Variants in RBFOX1 observed in about 807,000 individuals in gnomAD.
RBFOX1 encodes the protein RNA binding protein fox-1 homolog 1.
A neutral mutation model predicts 57.7 loss-of-function variants in RBFOX1; 8 were observed. The ratio of observed to expected loss-of-function variants is 0.14; its 90% CI spans 0.08 to 0.25. The LOEUF is 0.25. RBFOX1 is among the 10% of genes least tolerant of loss of function. The pLI, the probability that RBFOX1 is intolerant of heterozygous loss-of-function variation, is 1.00. For synonymous variants in RBFOX1, 326 were observed against 222.4 expected (o/e 1.47, Z -4.15); for missense variants, 611 against 548.5 (o/e 1.11, Z -1.14).
chr16:6,941,312 TTCC>T (rs2078456325), intron 3 of RBFOX1, among the ~76,000 whole-genome samples: 1 of 86,316 alleles, frequency 1.2e-5, no homozygotes, highest in Non-Finnish European at 2.3e-5. Flanking sequence ...CCTTCCTTCC[TTCC>T]TTCCTTCCTT....
intron 4 of RBFOX1, among the ~76,000 whole-genome samples, chr16:7,226,685 C>G (rs545022799): frequency 5.9e-5 from 9 of 152,102 alleles, no homozygotes; most frequent in African/African-American, 2.2e-4. Context: ...TTTCTAAAAC[C>G]GCAAAAAGTA....
At chr16:6,014,273 G>T (rs1055956388), upstream of RBFOX1, among the ~76,000 whole-genome samples, 1 of 152,078 alleles carries the variant, frequency 6.6e-6, no homozygotes, top group African/African-American at 2.4e-5. Context: ...TGCTGTCTTT[G>T]CTACCATTAG....
chr16:6,874,957 G>T (rs1170726476), intron 3 of RBFOX1, among the ~76,000 whole-genome samples: 1 of 152,118 alleles, frequency 6.6e-6, no homozygotes, highest in Non-Finnish European at 1.5e-5. Flanking sequence ...TAGAAACCAA[G>T]AAGCTTGGCT....
intron 1 of RBFOX1, among the ~76,000 whole-genome samples, chr16:5,353,084 T>C (rs1383101853): frequency 6.6e-6 from 1 of 152,048 alleles, no homozygotes; most frequent in Non-Finnish European, 1.5e-5. Context: ...TAAAGACTTC[T>C]TTGTTCAGGC....
intron 2 of RBFOX1, among the ~76,000 whole-genome samples, chr16:6,463,156 A>C (rs2094959403): frequency 6.6e-6 from 1 of 152,274 alleles, no homozygotes; most frequent in Non-Finnish European, 1.5e-5. Flanking sequence ...CTTTATCTTT[A>C]GGTGTTTAAA....
chr16:7,406,259 T>C (rs1405733216), intron 4 of RBFOX1, among the ~76,000 whole-genome samples: 2 of 152,188 alleles, frequency 1.3e-5, no homozygotes, highest in Non-Finnish European at 2.9e-5. Flanking sequence ...CCATATGCCA[T>C]GGGCCTACTA....
chr16:6,647,779 G>C (rs1453170373), intron 2 of RBFOX1, among the ~76,000 whole-genome samples: 2 of 152,228 alleles, frequency 1.3e-5, no homozygotes, highest in African/African-American at 2.4e-5. Context: ...TCTGTCACTA[G>C]GTTGGAATGC....
chr16:6,864,168 A>T (rs1054952510), intron 3 of RBFOX1, among the ~76,000 whole-genome samples: 1 of 152,032 alleles, frequency 6.6e-6, no homozygotes, highest in African/African-American at 2.4e-5. Flanking sequence ...AAATTATTTT[A>T]ATAATTCTTG....
chr16:7,020,606 C>T (rs1371822090), intron 3 of RBFOX1, among the ~76,000 whole-genome samples: 1 of 152,022 alleles, frequency 6.6e-6, no homozygotes, highest in Admixed American at 6.6e-5. Flanking sequence ...TCAAAGCAAC[C>T]AGAAGATCAG....
intron 2 of RBFOX1, among the ~76,000 whole-genome samples, chr16:5,514,251 T>C (rs1202777873): frequency 6.6e-6 from 1 of 152,136 alleles, no homozygotes; most frequent in Non-Finnish European, 1.5e-5. Flanking sequence ...CGTGGATGGG[T>C]TCAGCTAGAA....
At chr16:6,963,549 G>C (rs941527133) in intron 3 of RBFOX1, among the ~76,000 whole-genome samples, 1 of 151,684 alleles carries the variant, frequency 6.6e-6, no homozygotes, top group Non-Finnish European at 1.5e-5. Flanking sequence ...AATGTAAAAT[G>C]TACATTTTGG....
intron 1 of RBFOX1, among the ~76,000 whole-genome samples, chr16:6,049,705 CTT>C (rs1163614543): frequency 6.6e-6 from 1 of 151,930 alleles, no homozygotes; most frequent in African/African-American, 2.4e-5. Context: ...TAAAAATAGT[CTT>C]TATTTTTTTA....
At chr16:7,095,688 C>G (rs1315564787) in intron 4 of RBFOX1, among the ~76,000 whole-genome samples, 1 of 152,068 alleles carries the variant, frequency 6.6e-6, no homozygotes, top group Non-Finnish European at 1.5e-5. Context: ...TGGTTGATCA[C>G]TCGATAAGTA....
chr16:5,357,438 G>A (rs564517298), intron 1 of RBFOX1, among the ~76,000 whole-genome samples: 13 of 152,312 alleles, frequency 8.5e-5, no homozygotes, highest in Middle Eastern at 3.4e-3. Flanking sequence ...ACAGAACAAC[G>A]CAGTCTACAG....
intron 1 of RBFOX1, among the ~76,000 whole-genome samples, chr16:6,076,492 G>C (rs1215037568): frequency 6.6e-6 from 1 of 151,982 alleles, no homozygotes; most frequent in East Asian, 1.9e-4. Flanking sequence ...TTTTGAGTTA[G>C]GGTCTTGCTC....
chr16:6,329,775 TAC>T (rs1266399865), intron 2 of RBFOX1, among the ~76,000 whole-genome samples: 1 of 151,956 alleles, frequency 6.6e-6, no homozygotes, highest in African/African-American at 2.4e-5. Context: ...CTTCTAAAAA[TAC>T]AAAAAGAAAA....
chr16:5,771,521 G>T (rs1227052982), intron 3 of RBFOX1, among the ~76,000 whole-genome samples: 2 of 152,156 alleles, frequency 1.3e-5, no homozygotes, highest in African/African-American at 2.4e-5. Flanking sequence ...TGATTCTTAT[G>T]CCTCAGCCTC....
intron 3 of RBFOX1, among the ~76,000 whole-genome samples, chr16:6,855,853 C>CCCTGTTTCCCTCCCTGTTTCCCTT (rs142108703): frequency 5.4e-5 from 8 of 148,856 alleles, no homozygotes; most frequent in South Asian, 2.2e-4. Context: ...CTCTTTCCCT[C>CCCTGTTTCCCTCCCTGTTTCCCTT]CCTTCCTTTC....
intron 1 of RBFOX1, among the ~76,000 whole-genome samples, chr16:5,455,850 G>T (rs1392711095): frequency 2.0e-5 from 3 of 152,150 alleles, no homozygotes. Flanking sequence ...AAATAAAGGT[G>T]ATTGGTGTTG....
Sources: allele counts gnomAD v4.1 joint callset (sites outside exome capture counted in the v4.1 genomes callset), GRCh38; gene constraint gnomAD v4.1.1; transcripts MANE v1.5; gene names NCBI Gene and HGNC (gene_info 2026-07-23, HGNC 2026-07-21).